The following STAU2 variants were observed in gnomAD, a reference collection of about 807,000 sequenced individuals.
The protein encoded by STAU2 is double-stranded RNA-binding protein Staufen homolog 2.
STAU2 carries 20 observed loss-of-function variants against 65.9 expected under a neutral mutation model. The ratio of observed to expected loss-of-function variants is 0.30; its 90% CI spans 0.21 to 0.44. The LOEUF (loss-of-function observed/expected upper bound fraction) is 0.44, where lower values mean the gene tolerates loss of function less well. Ranked by LOEUF, STAU2 falls within the 20% of genes least tolerant of loss-of-function variation. The pLI is 1.00. For synonymous variants in STAU2, 232 were observed against 233.9 expected (o/e 0.99, Z 0.07); for missense variants, 558 against 683.9 (o/e 0.82, Z 2.05).
intron 13 of STAU2, among the ~76,000 whole-genome samples, chr8:73,532,234 C>G (rs1376596982): frequency 6.6e-6 from 1 of 150,822 alleles, no homozygotes; most frequent in Non-Finnish European, 1.5e-5. Flanking sequence ...TGACAGATAG[C>G]AGTCCCTGAA....
Position 73,582,821 on chromosome 8 carries a change from T to C in STAU2, c.1171A>G (p.Asn391Asp), listed in dbSNP as rs200276587. 6.2e-7 allele frequency: 1 copy of C among 1,611,772 alleles called. No individual in the cohort carries two copies. The highest frequency in any genetic ancestry group is 8.5e-7 in the Non-Finnish European group (1 of 1,178,346). The change falls in exon 12 of 15, where the codon AAC (asparagine) becomes GAC (aspartate). Residue 391 changes from asparagine (N) to aspartate (D), a missense_variant. Transcript: ENST00000524300. ...LQDQLEKTGE[N>D]KGWSGPKPGF... ...GGCTTTGGACCACTCCATCCTTTGTTTTCCCCTGTCTGAAAGATTAAATCA... is the reference window on the plus strand; with the variant it reads ...GGCTTTGGACCACTCCATCCTTTGTCTTCCCCTGTCTGAAAGATTAAATCA...
intron 5 of STAU2, among the ~76,000 whole-genome samples, chr8:73,674,375 C>A (rs1817891656): frequency 6.6e-6 from 1 of 151,102 alleles, no homozygotes; most frequent in Admixed American, 6.6e-5. Context: ...CCATGAGATC[C>A]TAAAGAGAAA....
Position 73,682,227 on chromosome 8 carries a change from C to CA in STAU2, c.274+6426dup, listed in dbSNP as rs1361823131. Among the ~76,000 whole-genome samples, 4 of 151,860 alleles carry CA rather than the reference C, an allele frequency of 2.6e-5. 1 individual carries two copies. Among genetic ancestry groups the CA allele is most frequent in the Non-Finnish European group, 5.9e-5 (4 of 67,920 alleles). On this transcript the variant is annotated intron_variant, in intron 5 of 14. Coordinates refer to ENST00000524300, the MANE Select transcript of STAU2 (RefSeq NM_001164380.2). ...ATTCCAAGACAGACCACATAAGCCA[C>CA]AAAACAAGTCACAGTATATTTAAGA...
At chr8:73,485,402 G>A (rs77415302) in intron 13 of STAU2, among the ~76,000 whole-genome samples, 1,728 of 152,116 alleles carry the variant, frequency 0.011, 24 homozygotes, top group African/African-American at 0.039. Context: ...AAAAGTTGGT[G>A]CTCTGCCCCC....
intron 11 of STAU2, among the ~76,000 whole-genome samples, chr8:73,583,666 TA>T (rs1196357140): frequency 2.6e-5 from 4 of 151,226 alleles, no homozygotes. Context: ...ATAAAAAAAA[TA>T]AAAAAATAAA....
intron 12 of STAU2, among the ~76,000 whole-genome samples, chr8:73,572,227 A>G (rs1352489978): frequency 6.6e-6 from 1 of 152,224 alleles, no homozygotes; most frequent in East Asian, 1.9e-4. Context: ...GAATAGACCA[A>G]TAACAGGCTC....
At chr8:73,627,374 T>G (rs1295401735) in intron 6 of STAU2, among the ~76,000 whole-genome samples, 3 of 152,068 alleles carry the variant, frequency 2.0e-5, no homozygotes. Context: ...AGTCCAGGAA[T>G]GCGCACATTA....
intron 6 of STAU2, among the ~76,000 whole-genome samples, chr8:73,667,107 A>G (rs1341929249): frequency 6.6e-6 from 1 of 152,100 alleles, no homozygotes; most frequent in African/African-American, 2.4e-5. Context: ...TATCCTTAAT[A>G]CCCCAAATGC....
chr8:73,680,713 AAAT>A (rs1818368786), intron 5 of STAU2, among the ~76,000 whole-genome samples: 1 of 152,088 alleles, frequency 6.6e-6, no homozygotes, highest in African/African-American at 2.4e-5. Flanking sequence ...GAAATTTTTA[AAAT>A]AATACAAGAC....
At chr8:73,538,966 CAG>C (rs1806352949) in intron 13 of STAU2, among the ~76,000 whole-genome samples, 1 of 152,174 alleles carries the variant, frequency 6.6e-6, no homozygotes, top group Non-Finnish European at 1.5e-5. Context: ...GACACCCTAA[CAG>C]GGAACAGTAA....
chr8:73,701,803 C>T (rs993596195), intron 4 of STAU2, among the ~76,000 whole-genome samples: 7 of 152,076 alleles, frequency 4.6e-5, no homozygotes, highest in African/African-American at 1.7e-4. Context: ...GGAGTGCTTA[C>T]AATAGCTAAG....
At chr8:73,539,580 T>C (rs1806395984) in intron 13 of STAU2, among the ~76,000 whole-genome samples, 1 of 152,176 alleles carries the variant, frequency 6.6e-6, no homozygotes, top group South Asian at 2.1e-4. Flanking sequence ...TGGTGGCTCA[T>C]GCCTGTAATC....
chr8:73,527,217 T>G (rs182169771), intron 13 of STAU2, among the ~76,000 whole-genome samples: 134 of 152,340 alleles, frequency 8.8e-4, no homozygotes, highest in Admixed American at 2.3e-3. Flanking sequence ...TGTAAGTACA[T>G]TCTGTGATGC....
intron 6 of STAU2, among the ~76,000 whole-genome samples, chr8:73,660,365 GC>G (rs761038805): frequency 2.6e-5 from 4 of 152,168 alleles, no homozygotes; most frequent in Non-Finnish European, 5.9e-5. Flanking sequence ...GAAGGCGAAG[GC>G]TGCAGTGAGC....
At chr8:73,596,295 T>C (rs893960011) in intron 10 of STAU2, among the ~76,000 whole-genome samples, 4 of 152,150 alleles carry the variant, frequency 2.6e-5, no homozygotes, top group Non-Finnish European at 5.9e-5. Flanking sequence ...AGATAATGTA[T>C]GTAAACCACA....
intron 6 of STAU2, among the ~76,000 whole-genome samples, chr8:73,619,634 A>C (rs1482835924): frequency 6.6e-6 from 1 of 152,248 alleles, no homozygotes; most frequent in Non-Finnish European, 1.5e-5. Flanking sequence ...TTTGTGAGGC[A>C]ATAATTGAAA....
At chr8:73,461,508 A>G (rs1819348621) in intron 13 of STAU2, among the ~76,000 whole-genome samples, 1 of 152,096 alleles carries the variant, frequency 6.6e-6, no homozygotes. Context: ...TAAACCTTGT[A>G]GAGTCATAAG....
chr8:73,567,113 A>T (rs1360416905), intron 12 of STAU2, among the ~76,000 whole-genome samples: 2 of 152,212 alleles, frequency 1.3e-5, no homozygotes, highest in Non-Finnish European at 2.9e-5. Context: ...TCAAAAGATC[A>T]TTAATACAGT....
chr8:73,688,859 A>C, intron 4 of STAU2, 46 bp from the exon 5 acceptor site: 1 of 1,588,804 alleles, frequency 6.3e-7, no homozygotes, highest in Non-Finnish European at 8.6e-7. Context: ...GACTTTTCCA[A>C]GAAATAAAAT....
Sources: allele counts gnomAD v4.1 joint callset (sites outside exome capture counted in the v4.1 genomes callset), GRCh38; gene constraint gnomAD v4.1.1; transcripts MANE v1.5; gene names NCBI Gene and HGNC (gene_info 2026-07-23, HGNC 2026-07-21).